Variants in SPMIP2 observed in about 807,000 individuals in gnomAD.
The protein encoded by SPMIP2 is sperm microtubule inner protein 2.
At chr4:159,005,606 A>C in the SPMIP2 span, among the ~76,000 whole-genome samples, 1 of 152,204 alleles carries the variant, frequency 6.6e-6, no homozygotes, top group East Asian at 1.9e-4. Flanking sequence ...GCCCAAACTG[A>C]GAAGTGCTAT....
At chr4:159,054,785 C>T in the SPMIP2 span, among the ~76,000 whole-genome samples, 2 of 152,218 alleles carry the variant, frequency 1.3e-5, no homozygotes, top group African/African-American at 4.8e-5. Flanking sequence ...GCTCAATGCA[C>T]TATCTTTCAT....
chr4:158,895,783 A>G, the SPMIP2 span: 127 of 1,612,830 alleles, frequency 7.9e-5, no homozygotes, highest in Admixed American at 8.4e-5. Flanking sequence ...ACTACAGGAG[A>G]TGTACCTTAA....
the SPMIP2 span, among the ~76,000 whole-genome samples, chr4:158,923,747 G>T: frequency 1.3e-5 from 2 of 152,092 alleles, no homozygotes; most frequent in Non-Finnish European, 2.9e-5. Flanking sequence ...CTATCACAAG[G>T]TTGAATAGAC....
At chr4:158,908,165 G>T in the SPMIP2 span, 1 of 152,218 alleles carries the variant, frequency 6.6e-6, no homozygotes, top group South Asian at 2.1e-4. Context: ...TTTAACCGGG[G>T]TGTTTTGGAA....
At chr4:158,951,828 A>C in the SPMIP2 span, among the ~76,000 whole-genome samples, 1 of 152,170 alleles carries the variant, frequency 6.6e-6, no homozygotes, top group Non-Finnish European at 1.5e-5. Flanking sequence ...GGATGGATGA[A>C]AGTTCAGATT....
chr4:159,001,547 C>T, the SPMIP2 span, among the ~76,000 whole-genome samples: 1 of 152,114 alleles, frequency 6.6e-6, no homozygotes, highest in Non-Finnish European at 1.5e-5. Flanking sequence ...TTCTTTGTGT[C>T]TGTGAGTTCT....
At chr4:158,999,188 A>C in the SPMIP2 span, among the ~76,000 whole-genome samples, 68 of 151,856 alleles carry the variant, frequency 4.5e-4, no homozygotes, top group South Asian at 8.3e-4. Flanking sequence ...AAAACAACAA[A>C]AAAAAACCCA....
chr4:159,038,384 G>C, the SPMIP2 span, among the ~76,000 whole-genome samples: 3 of 152,124 alleles, frequency 2.0e-5, no homozygotes, highest in Non-Finnish European at 4.4e-5. Flanking sequence ...TTCTGTTCTT[G>C]TTAGTGTGAT....
the SPMIP2 span, among the ~76,000 whole-genome samples, chr4:158,902,239 C>A: frequency 3.3e-5 from 5 of 152,096 alleles, no homozygotes; most frequent in Non-Finnish European, 7.3e-5. Flanking sequence ...TTCTAACAGG[C>A]CTGTCTGCTG....
chr4:159,017,232 G>A, the SPMIP2 span, among the ~76,000 whole-genome samples: 1 of 152,078 alleles, frequency 6.6e-6, no homozygotes, highest in Admixed American at 6.6e-5. Flanking sequence ...TTTTTGTGCT[G>A]AGATTATTAT....
At chr4:158,938,853 G>T in the SPMIP2 span, among the ~76,000 whole-genome samples, 3 of 152,188 alleles carry the variant, frequency 2.0e-5, no homozygotes, top group East Asian at 5.8e-4. Context: ...GTTTTCTCCT[G>T]CACACAGCCT....
At chr4:158,908,711 G>A in the SPMIP2 span, among the ~76,000 whole-genome samples, 8 of 152,054 alleles carry the variant, frequency 5.3e-5, no homozygotes, top group African/African-American at 1.9e-4. Context: ...TTTGAGATGG[G>A]GTTTTGCTCT....
At chr4:159,076,741 C>T in the SPMIP2 span, among the ~76,000 whole-genome samples, 2 of 152,112 alleles carry the variant, frequency 1.3e-5, no homozygotes, top group African/African-American at 4.8e-5. Flanking sequence ...AATCATAGCT[C>T]ACTGCAGCCT....
At chr4:159,026,178 T>C in the SPMIP2 span, 6 of 426,530 alleles carry the variant, frequency 1.4e-5, no homozygotes, top group East Asian at 3.2e-4. Flanking sequence ...AAGGCCTTGA[T>C]GAATACGTGA....
the SPMIP2 span, among the ~76,000 whole-genome samples, chr4:158,949,410 T>C: frequency 5.3e-5 from 8 of 152,340 alleles, no homozygotes; most frequent in Middle Eastern, 6.8e-3. Flanking sequence ...AACAACACTA[T>C]CTATACAACA....
chr4:158,973,299 A>G, the SPMIP2 span: 4 of 1,610,038 alleles, frequency 2.5e-6, no homozygotes, highest in East Asian at 4.5e-5. Context: ...ATAATCCTTT[A>G]TGTAGTCTGG....
chr4:158,928,094 G>A, the SPMIP2 span, among the ~76,000 whole-genome samples: 3 of 152,246 alleles, frequency 2.0e-5, no homozygotes, highest in African/African-American at 7.2e-5. Flanking sequence ...GCAGGCGCAA[G>A]GCACGGGACT....
At chr4:159,013,770 TAAAAG>T in the SPMIP2 span, among the ~76,000 whole-genome samples, 1 of 102,498 alleles carries the variant, frequency 9.8e-6, no homozygotes, top group Non-Finnish European at 2.1e-5. Flanking sequence ...TATTTAGTCT[TAAAAG>T]GGAAGGAAAT....
At chr4:158,975,373 C>A in the SPMIP2 span, among the ~76,000 whole-genome samples, 2 of 152,110 alleles carry the variant, frequency 1.3e-5, no homozygotes, top group South Asian at 4.1e-4. Context: ...AATATTTGCC[C>A]ATGCCTATGT....
Sources: allele counts gnomAD v4.1 joint callset (sites outside exome capture counted in the v4.1 genomes callset), GRCh38; gene constraint gnomAD v4.1.1; transcripts MANE v1.5; gene names NCBI Gene and HGNC (gene_info 2026-07-23, HGNC 2026-07-21).